Variants in UMAD1 observed in about 807,000 individuals in gnomAD.
The protein encoded by UMAD1 is UBAP1-MVB12-associated (UMA)-domain containing protein 1.
UMAD1 carries 8 observed loss-of-function variants against 6.1 expected under a neutral mutation model. The ratio of observed to expected loss-of-function variants is 1.30; its 90% CI spans 0.76 to 2.35. The LOEUF (loss-of-function observed/expected upper bound fraction) is 2.35. Ranked by LOEUF, UMAD1 falls within the 30% of genes most tolerant of loss-of-function variation. The probability of loss-of-function intolerance (pLI) is 0.00; values close to 1 mark genes in which losing one functional copy is unlikely to be tolerated. For synonymous variants in UMAD1, 56 were observed against 31.4 expected (o/e 1.78, Z -2.61); for missense variants, 130 against 78.4 (o/e 1.66, Z -2.49).
chr7:7,663,761 C>A (rs919143024), intron 1 of UMAD1, among the ~76,000 whole-genome samples: 2 of 152,126 alleles, frequency 1.3e-5, no homozygotes, highest in Admixed American at 1.3e-4. Flanking sequence ...GGTTAGTATC[C>A]CCGGGGCAAT....
chr7:7,778,499 A>G (rs57335461), intron 2 of UMAD1, among the ~76,000 whole-genome samples: 7,442 of 151,646 alleles, frequency 0.049, 610 homozygotes, highest in African/African-American at 0.17. Context: ...TCACAGCTCA[A>G]TGCAGTTTCA....
chr7:7,675,440 T>G lies in UMAD1; in HGVS notation c.82+1987T>G, dbSNP rs565082990. On this transcript the variant is annotated intron_variant, in intron 2 of 3. Transcript: ENST00000682710. ...ATGTAGTCCTGATGAGACATTCCAT[T>G]GCATGTCTTGTAGCTATCTCAGTAG... Among the ~76,000 whole-genome samples the G allele has an allele frequency of 3.3e-5, 5 of 152,284 alleles. No homozygotes were observed. In the East Asian group the frequency reaches 9.6e-4, roughly 29 times the overall value.
intron 3 of UMAD1, among the ~76,000 whole-genome samples, chr7:7,861,468 AC>A (rs1784114166): frequency 6.6e-6 from 1 of 152,206 alleles, no homozygotes. Context: ...AGGTCAAGTG[AC>A]ACAGCTTTCT....
chr7:7,824,589 C>T (rs1783305887), intron 3 of UMAD1, among the ~76,000 whole-genome samples: 1 of 152,170 alleles, frequency 6.6e-6, no homozygotes, highest in Non-Finnish European at 1.5e-5. Context: ...TTTGTATCCA[C>T]TTGTGGTACC....
chr7:7,784,453 A>G (rs562710082), intron 2 of UMAD1, among the ~76,000 whole-genome samples: 1 of 149,584 alleles, frequency 6.7e-6, no homozygotes, highest in East Asian at 2.0e-4. Context: ...CTCCTGCCTC[A>G]GCCTCCCGAG....
At chr7:7,874,280 C>G (rs902567475) in intron 3 of UMAD1, among the ~76,000 whole-genome samples, 26 of 152,210 alleles carry the variant, frequency 1.7e-4, no homozygotes, top group African/African-American at 6.3e-4. Context: ...CATAAGTAAT[C>G]TGTCATTCCC....
intron 1 of UMAD1, among the ~76,000 whole-genome samples, chr7:7,667,649 A>G (rs1256162210): frequency 6.6e-6 from 1 of 152,240 alleles, no homozygotes; most frequent in Non-Finnish European, 1.5e-5. Flanking sequence ...TTGTGCAGGT[A>G]GTAAATGTCT....
intron 3 of UMAD1, among the ~76,000 whole-genome samples, chr7:7,856,257 C>A (rs1179151192): frequency 6.6e-6 from 1 of 152,188 alleles, no homozygotes; most frequent in Non-Finnish European, 1.5e-5. Context: ...TAAGGAAATA[C>A]CCGAGACTGC....
intron 3 of UMAD1, among the ~76,000 whole-genome samples, chr7:7,865,309 T>C (rs1784205664): frequency 6.6e-6 from 1 of 152,124 alleles, no homozygotes. Flanking sequence ...GAAGTTAGCG[T>C]TGGAATTGAA....
chr7:7,720,316 G>C (rs907617148), intron 2 of UMAD1, among the ~76,000 whole-genome samples: 22 of 152,148 alleles, frequency 1.4e-4, no homozygotes, highest in Non-Finnish European at 3.1e-4. Context: ...CTCACAGTTG[G>C]TATACAGCAG....
chr7:7,690,436 T>A (rs945342102), intron 2 of UMAD1, among the ~76,000 whole-genome samples: 2 of 152,172 alleles, frequency 1.3e-5, no homozygotes, highest in Non-Finnish European at 2.9e-5. Context: ...ATGCCCAGTA[T>A]GTCAGATGTG....
At chr7:7,708,989 G>A (rs1780680002) in intron 2 of UMAD1, among the ~76,000 whole-genome samples, 1 of 151,886 alleles carries the variant, frequency 6.6e-6, no homozygotes, top group Admixed American at 6.6e-5. Context: ...GAGAAAGTGT[G>A]GGAGGAAAAG....
intron 1 of UMAD1, among the ~76,000 whole-genome samples, chr7:7,665,323 C>G (rs1216464468): frequency 6.6e-6 from 1 of 152,208 alleles, no homozygotes; most frequent in Non-Finnish European, 1.5e-5. Flanking sequence ...TATACGCAGT[C>G]TGTGTATACC....
At chr7:7,667,088 C>T (rs1179784115) in intron 1 of UMAD1, among the ~76,000 whole-genome samples, 1 of 152,202 alleles carries the variant, frequency 6.6e-6, no homozygotes, top group Non-Finnish European at 1.5e-5. Context: ...GGATTACAGG[C>T]GTCAGCCACT....
At chr7:7,692,817 C>G (rs752081785) in intron 2 of UMAD1, among the ~76,000 whole-genome samples, 4 of 152,172 alleles carry the variant, frequency 2.6e-5, no homozygotes, top group Non-Finnish European at 5.9e-5. Context: ...CCATGTTGGT[C>G]AGGATGGTCT....
At chr7:7,760,112 TAAG>T (rs1285649300) in intron 2 of UMAD1, among the ~76,000 whole-genome samples, 1 of 152,142 alleles carries the variant, frequency 6.6e-6, no homozygotes, top group East Asian at 1.9e-4. Flanking sequence ...AGCCACCATT[TAAG>T]AAGTCCAACC....
At chr7:7,678,299 T>C (rs1430500491) in intron 2 of UMAD1, among the ~76,000 whole-genome samples, 1 of 151,476 alleles carries the variant, frequency 6.6e-6, no homozygotes, top group Non-Finnish European at 1.5e-5. Flanking sequence ...TGAGATGATA[T>C]CTCATTTTGA....
At chr7:7,693,298 T>TCTATCTAC (rs1780221530) in intron 2 of UMAD1, among the ~76,000 whole-genome samples, 1 of 144,198 alleles carries the variant, frequency 6.9e-6, no homozygotes, top group South Asian at 2.1e-4. Context: ...AATATCTTTA[T>TCTATCTAC]CTATCTATCT....
intron 2 of UMAD1, among the ~76,000 whole-genome samples, chr7:7,686,841 C>G (rs1274095768): frequency 6.6e-6 from 1 of 152,106 alleles, no homozygotes; most frequent in African/African-American, 2.4e-5. Flanking sequence ...GTTGCAGATT[C>G]TAGGAAATCT....
Sources: gnomAD v4.1 joint callset for allele counts (sites outside exome capture counted in the v4.1 genomes callset) on GRCh38, gnomAD v4.1.1 for gene constraint, MANE v1.5 for transcripts, NCBI Gene and HGNC (gene_info 2026-07-23, HGNC 2026-07-21) for gene names.